HS2ST1: variants seen among roughly 807,000 people sequenced by gnomAD.
HS2ST1 encodes 2-O-sulfotransferase.
In HS2ST1, 18 loss-of-function variants were observed where a neutral mutation model predicts 42.9. The observed-to-expected ratio is 0.42, with a 90% confidence interval of 0.29 to 0.62. The LOEUF is 0.62. Among genes scored for constraint, HS2ST1 ranks in the 20% least tolerant of loss-of-function variants. The probability of loss-of-function intolerance (pLI) is 0.21; values close to 1 mark genes in which losing one functional copy is unlikely to be tolerated. For synonymous variants in HS2ST1, 146 were observed against 152.9 expected (o/e 0.95, Z 0.33); for missense variants, 334 against 433.8 (o/e 0.77, Z 2.04).
At chr1:86,989,443 T>G (rs1199022271) in intron 1 of HS2ST1, among the ~76,000 whole-genome samples, 1 of 152,240 alleles carries the variant, frequency 6.6e-6, no homozygotes, top group African/African-American at 2.4e-5. Flanking sequence ...TTAAATCAAC[T>G]AGTTCCTTAA....
At chr1:86,928,176 A>AC (rs1660461079) in intron 1 of HS2ST1, among the ~76,000 whole-genome samples, 12 of 152,168 alleles carry the variant, frequency 7.9e-5, no homozygotes, top group African/African-American at 2.6e-4. Context: ...GACTTTGATG[A>AC]TTAGGGCTAT....
chr1:86,963,189 C>T (rs1371017378), intron 1 of HS2ST1, among the ~76,000 whole-genome samples: 4 of 143,534 alleles, frequency 2.8e-5, no homozygotes, highest in Admixed American at 7.0e-5. Flanking sequence ...ATTGATCATT[C>T]TTGGGTGTTT....
At chr1:86,938,000 A>G (rs1570433062) in intron 1 of HS2ST1, among the ~76,000 whole-genome samples, 2 of 152,196 alleles carry the variant, frequency 1.3e-5, no homozygotes, top group East Asian at 1.9e-4. Flanking sequence ...CTCAGACAAT[A>G]ATCATTGTCT....
intron 1 of HS2ST1, among the ~76,000 whole-genome samples, chr1:86,950,127 C>T (rs919386405): frequency 6.6e-6 from 1 of 152,194 alleles, no homozygotes; most frequent in African/African-American, 2.4e-5. Flanking sequence ...ACTTAATGCT[C>T]TAACTTAACA....
chr1:86,956,176 T>G (rs1218937048), intron 1 of HS2ST1, among the ~76,000 whole-genome samples: 1 of 135,404 alleles, frequency 7.4e-6, no homozygotes, highest in Admixed American at 6.8e-5. Flanking sequence ...AACAATTTTT[T>G]GGGGTTATTT....
At chr1:86,932,797 A>C (rs1430771415) in intron 1 of HS2ST1, among the ~76,000 whole-genome samples, 2 of 152,170 alleles carry the variant, frequency 1.3e-5, no homozygotes, top group African/African-American at 4.8e-5. Context: ...CTTTCTCAGA[A>C]GCTTCTGAGC....
At chr1:86,978,089 T>C (rs1648473617) in intron 1 of HS2ST1, among the ~76,000 whole-genome samples, 1 of 152,214 alleles carries the variant, frequency 6.6e-6, no homozygotes, top group Non-Finnish European at 1.5e-5. Flanking sequence ...ATTGCCTAAA[T>C]TTAGTACAGT....
intron 1 of HS2ST1, among the ~76,000 whole-genome samples, chr1:87,001,105 T>C (rs1050223076): frequency 6.6e-6 from 1 of 152,186 alleles, no homozygotes; most frequent in African/African-American, 2.4e-5. Flanking sequence ...GAAAAATAGC[T>C]GAAAAATGAG....
intron 1 of HS2ST1, among the ~76,000 whole-genome samples, chr1:87,065,246 C>A (rs72955561): frequency 0.042 from 6,383 of 152,266 alleles, 439 homozygotes; most frequent in African/African-American, 0.14. Flanking sequence ...GCTCAAGATT[C>A]ATTCCTAGAA....
At chr1:87,050,136 C>T (rs1214383964) in intron 1 of HS2ST1, among the ~76,000 whole-genome samples, 1 of 151,672 alleles carries the variant, frequency 6.6e-6, no homozygotes, top group Admixed American at 6.6e-5. Context: ...ATGTTTCTCT[C>T]ATTTAAAGTG....
At chr1:87,030,540 A>G (rs1650207308) in intron 1 of HS2ST1, among the ~76,000 whole-genome samples, 1 of 152,164 alleles carries the variant, frequency 6.6e-6, no homozygotes, top group African/African-American at 2.4e-5. Context: ...GCACACACGC[A>G]CACACACATG....
chr1:87,019,974 A>C (rs1235179091), intron 1 of HS2ST1, among the ~76,000 whole-genome samples: 1 of 152,234 alleles, frequency 6.6e-6, no homozygotes, highest in Non-Finnish European at 1.5e-5. Flanking sequence ...CCAAGTGGGC[A>C]GGGAGATTAT....
intron 1 of HS2ST1, among the ~76,000 whole-genome samples, chr1:86,992,253 C>T (rs190041791): frequency 6.6e-6 from 1 of 151,720 alleles, no homozygotes; most frequent in East Asian, 1.9e-4. Flanking sequence ...AAAACTGGTC[C>T]TGCTGATTTA....
chr1:87,097,731 T>G, intron 4 of HS2ST1, 107 bp from the exon 5 acceptor site: 1 of 1,269,362 alleles, frequency 7.9e-7, no homozygotes, highest in Non-Finnish European at 1.1e-6. Flanking sequence ...TAAGAGTGTC[T>G]CATCCCACCT....
chr1:87,049,869 T>A (rs77985844), intron 1 of HS2ST1, among the ~76,000 whole-genome samples: 1,894 of 152,202 alleles, frequency 0.012, 45 homozygotes, highest in African/African-American at 0.043. Flanking sequence ...TTAATTATAC[T>A]TGCAGATTTG....
chr1:87,049,305 G>T (rs1452146897), intron 1 of HS2ST1, among the ~76,000 whole-genome samples: 1 of 151,486 alleles, frequency 6.6e-6, no homozygotes, highest in African/African-American at 2.4e-5. Context: ...CTGGCTAGAA[G>T]TTTATCAGTT....
At chr1:86,956,839 T>C (rs950963105) in intron 1 of HS2ST1, among the ~76,000 whole-genome samples, 5 of 152,228 alleles carry the variant, frequency 3.3e-5, no homozygotes, top group African/African-American at 4.8e-5. Context: ...CTTTACACTT[T>C]GAGTAACATG....
chr1:86,924,770 A>AT (rs945859567), intron 1 of HS2ST1, among the ~76,000 whole-genome samples: 1 of 151,842 alleles, frequency 6.6e-6, no homozygotes, highest in African/African-American at 2.4e-5. Context: ...CCACGAAACC[A>AT]TTTTTTCCTT....
chr1:87,088,683 T>A (rs1326311412), intron 3 of HS2ST1, among the ~76,000 whole-genome samples: 4 of 152,040 alleles, frequency 2.6e-5, no homozygotes, highest in African/African-American at 4.8e-5. Flanking sequence ...GTTTTAAGAG[T>A]TCCAGCTGTT....
Sources: gnomAD v4.1 joint callset for allele counts (sites outside exome capture counted in the v4.1 genomes callset) on GRCh38, gnomAD v4.1.1 for gene constraint, MANE v1.5 for transcripts, NCBI Gene and HGNC (gene_info 2026-07-23, HGNC 2026-07-21) for gene names.